ABCA13: variants seen among roughly 807,000 people sequenced by gnomAD.
The protein encoded by ABCA13 is ATP-binding cassette sub-family A member 13.
ABCA13 carries 476 observed loss-of-function variants against 478.7 expected under a neutral mutation model. The ratio of observed to expected loss-of-function variants is 0.99; its 90% CI spans 0.92 to 1.07. ABCA13 has a LOEUF of 1.07. Ranked by LOEUF, ABCA13 falls within the 50% of genes least tolerant of loss-of-function variation. ABCA13 has a pLI of 0.00. For synonymous variants in ABCA13, 2,252 were observed against 2,158.9 expected (o/e 1.04, Z -1.20); for missense variants, 6,060 against 5,910.6 (o/e 1.03, Z -0.83).
intron 27 of ABCA13, among the ~76,000 whole-genome samples, chr7:48,334,494 C>T (rs547420866): frequency 6.6e-6 from 1 of 152,276 alleles, no homozygotes; most frequent in Non-Finnish European, 1.5e-5. Flanking sequence ...GCCACCGTGC[C>T]CGGCTAATTT....
intron 51 of ABCA13, among the ~76,000 whole-genome samples, chr7:48,512,053 G>A (rs774793578): frequency 3.3e-5 from 5 of 151,978 alleles, no homozygotes; most frequent in Non-Finnish European, 7.4e-5. Flanking sequence ...ATGGAAGTAT[G>A]TAGATAAGAG....
chr7:48,343,416 C>T (rs940334138), intron 29 of ABCA13, among the ~76,000 whole-genome samples: 7 of 151,858 alleles, frequency 4.6e-5, no homozygotes, highest in Non-Finnish European at 1.5e-5. Context: ...AAGCTGATAC[C>T]GATTAGGGCC....
At chr7:48,246,614 T>A (rs901028592) in intron 13 of ABCA13, among the ~76,000 whole-genome samples, 2 of 152,106 alleles carry the variant, frequency 1.3e-5, no homozygotes, top group Admixed American at 6.5e-5. Flanking sequence ...TTTTTTTATA[T>A]CCTTATATAC....
At chr7:48,390,585 A>G (rs530809740) in intron 37 of ABCA13, among the ~76,000 whole-genome samples, 2 of 152,344 alleles carry the variant, frequency 1.3e-5, no homozygotes, top group African/African-American at 4.8e-5. Flanking sequence ...GAACCTTTCT[A>G]TGCTGCTCCA....
intron 39 of ABCA13, among the ~76,000 whole-genome samples, chr7:48,407,769 G>T (rs1259481589): frequency 6.6e-6 from 1 of 151,872 alleles, no homozygotes; most frequent in African/African-American, 2.4e-5. Context: ...TGTTGGCCAG[G>T]CTACTCTCTA....
chr7:48,178,859 T>A (rs893295650), intron 1 of ABCA13, among the ~76,000 whole-genome samples: 3 of 151,150 alleles, frequency 2.0e-5, no homozygotes, highest in Non-Finnish European at 4.4e-5. Flanking sequence ...AGGTTGCTCT[T>A]TTGCTGAAAT....
intron 45 of ABCA13, 108 bp downstream of exon 45, chr7:48,471,707 T>C (rs1827520791): frequency 9.3e-7 from 1 of 1,073,340 alleles, no homozygotes; most frequent in South Asian, 1.5e-5. Flanking sequence ...TCTTTATAAC[T>C]TTTTGGTTTC....
In ABCA13 at chr7:48,317,385, G is replaced by A. The variant is rs951735944; in HGVS notation, c.9999+89G>A. Reference sequence around the variant, plus strand: ...AAAATGTCTGACATAATTATTATGCGCCTTGGATTATGTAGAAGGCTCTTG... The same window carrying A: ...AAAATGTCTGACATAATTATTATGCACCTTGGATTATGTAGAAGGCTCTTG... On this transcript the variant is annotated intron_variant, in intron 27 of 61. Transcript: ENST00000435803. 3.2e-5 allele frequency: 44 copies of A among 1,391,152 alleles called. No homozygotes were observed. The East Asian group carries it at 3.9e-4, about 12-fold the overall frequency. 86.2% of individuals were successfully genotyped at this position (1,391,152 alleles called of 1,614,324 possible). A position where few individuals can be genotyped will look rare whatever the true frequency, so the allele number is the denominator to read the frequency against.
At chr7:48,174,571 T>C (rs1562699397) in intron 1 of ABCA13, among the ~76,000 whole-genome samples, 1 of 152,168 alleles carries the variant, frequency 6.6e-6, no homozygotes, top group Admixed American at 6.5e-5. Flanking sequence ...AATTCTACTA[T>C]TCTTGGAAAA....
intron 9 of ABCA13, 150 bp downstream of exon 9, chr7:48,239,555 T>G (rs1301352110): frequency 3.2e-6 from 3 of 928,142 alleles, no homozygotes; most frequent in Non-Finnish European, 4.7e-6. Flanking sequence ...GGCCATTGAG[T>G]GCACCTTGTC....
chr7:48,489,106 T>G, intron 47 of ABCA13, 130 bp from the exon 48 acceptor site: 1 of 648,986 alleles, frequency 1.5e-6, no homozygotes, highest in Non-Finnish European at 2.6e-6. Flanking sequence ...GCAGGAACAT[T>G]ACTTTGAATC....
chr7:48,323,925 C>G (rs1368603861), intron 27 of ABCA13, among the ~76,000 whole-genome samples: 1 of 152,194 alleles, frequency 6.6e-6, no homozygotes, highest in Non-Finnish European at 1.5e-5. Flanking sequence ...CACAAGCTCT[C>G]TTCTCTGCTG....
At chr7:48,506,201 C>A (rs1469277361) in intron 48 of ABCA13, 135 bp from the exon 49 acceptor site, 3 of 852,310 alleles carry the variant, frequency 3.5e-6, no homozygotes, top group Admixed American at 5.9e-5. Flanking sequence ...TTTTTTTCTG[C>A]TAATTGACCA....
intron 55 of ABCA13, among the ~76,000 whole-genome samples, chr7:48,549,223 C>A (rs1227540542): frequency 2.0e-5 from 3 of 151,698 alleles, no homozygotes; most frequent in African/African-American, 7.3e-5. Flanking sequence ...TTGCCCTCTA[C>A]CCGCCAACAG....
chr7:48,459,178 G>C (rs1216298473), intron 43 of ABCA13, among the ~76,000 whole-genome samples: 1 of 152,148 alleles, frequency 6.6e-6, no homozygotes, highest in Non-Finnish European at 1.5e-5. Context: ...GGAGGGTGGT[G>C]CATCTCTGAG....
At chr7:48,457,130 T>C (rs1189484567) in intron 43 of ABCA13, among the ~76,000 whole-genome samples, 1 of 152,196 alleles carries the variant, frequency 6.6e-6, no homozygotes, top group Non-Finnish European at 1.5e-5. Flanking sequence ...AGTTCAGTTC[T>C]CTAAACTCTA....
intron 34 of ABCA13, among the ~76,000 whole-genome samples, chr7:48,376,044 T>C (rs1303507178): frequency 1.3e-5 from 2 of 152,142 alleles, no homozygotes; most frequent in African/African-American, 4.8e-5. Flanking sequence ...TATATCCTAT[T>C]ATATATTTTC....
At position 48,248,281 on chromosome 7, in the gene ABCA13, T is replaced by G; in HGVS notation, c.1702T>G (p.Ser568Ala). Reference protein sequence around the residue: ...QEVITWHKNMSVLIPEEYLDW... With the variant: ...QEVITWHKNMAVLIPEEYLDW... ...GGTCATTACTTGGCACAAAAATATGTCAGTTTTAATACCTGAAGAATATTT... is the reference window on the plus strand; with the variant it reads ...GGTCATTACTTGGCACAAAAATATGGCAGTTTTAATACCTGAAGAATATTT... The change falls in exon 14 of 62, where the codon TCA becomes GCA. Residue 568 changes from serine to alanine, a missense_variant. Around this residue, in one of 3 missense-constraint regions of ABCA13, gnomAD observed 4,423 missense variants for 4,309.1 expected, o/e 1.03. Transcript: ENST00000435803. 6.2e-7 allele frequency: 1 copy of G among 1,613,816 alleles called. No homozygotes were observed. Among genetic ancestry groups the G allele is most frequent in the African/African-American group, 1.3e-5 (1 of 75,058 alleles).
At chr7:48,636,926 C>A (rs574236216) in intron 59 of ABCA13, among the ~76,000 whole-genome samples, 2 of 152,226 alleles carry the variant, frequency 1.3e-5, no homozygotes, top group East Asian at 3.9e-4. Context: ...AATCTTAAAG[C>A]AATTCTTCTC....
Sources: allele counts gnomAD v4.1 joint callset (sites outside exome capture counted in the v4.1 genomes callset), GRCh38; gene constraint gnomAD v4.1.1; regional missense constraint gnomAD v4.1.1; transcripts MANE v1.5; gene names NCBI Gene and HGNC (gene_info 2026-07-23, HGNC 2026-07-21).